Variants in SMG1 observed in about 807,000 individuals in gnomAD.
SMG1 encodes the protein SMG1 nonsense mediated mRNA decay associated PI3K related kinase.
SMG1 carries 22 observed loss-of-function variants against 419.9 expected under a neutral mutation model. The ratio of observed to expected loss-of-function variants is 0.05; its 90% CI spans 0.04 to 0.07. The LOEUF (loss-of-function observed/expected upper bound fraction) is 0.07. SMG1 is among the 10% of genes least tolerant of loss of function. SMG1 has a pLI of 1.00. For synonymous variants in SMG1, 1,538 were observed against 1,553.5 expected (o/e 0.99, Z 0.23); for missense variants, 3,185 against 4,342.0 (o/e 0.73, Z 7.49).
rs377390551 is a variant in SMG1, at chr16:18,830,270, G to A, written c.8892C>T (p.Phe2964=). Residue 2964 remains phenylalanine, a synonymous_variant, in exon 52 of 63, where the codon TTC becomes TTT. Transcript: ENST00000446231. ...TTTCAACTTGAGCAAACATGCCATC[G>A]AATGCTACCAAAAGCATCTGGCCAG... The part of the protein sequence containing the change: ...MSAGQMLLVA[F]DGMFAQVETA... 18 of 1,613,674 alleles carry A rather than the reference G, an allele frequency of 1.1e-5. No homozygotes were observed. The East Asian group carries it at 1.8e-4, about 16-fold the overall frequency.
At chr16:18,893,893 T>C (rs1396421611) in intron 3 of SMG1, among the ~76,000 whole-genome samples, 1 of 151,676 alleles carries the variant, frequency 6.6e-6, no homozygotes, top group Non-Finnish European at 1.5e-5. Context: ...TCGTCTCTAC[T>C]GAAGATACAA....
chr16:18,862,167 A>T (rs539538936), intron 25 of SMG1, among the ~76,000 whole-genome samples: 12 of 152,122 alleles, frequency 7.9e-5, no homozygotes, highest in African/African-American at 1.2e-4. Flanking sequence ...CTCTCTACAA[A>T]ACTCTTTTTC....
intron 1 of SMG1, among the ~76,000 whole-genome samples, chr16:18,920,610 G>A (rs2038160048): frequency 6.6e-6 from 1 of 151,914 alleles, no homozygotes; most frequent in Non-Finnish European, 1.5e-5. Context: ...CAAGGAGGAA[G>A]GATCACTTGA....
intron 1 of SMG1, among the ~76,000 whole-genome samples, chr16:18,906,352 G>A (rs181991511): frequency 6.6e-6 from 1 of 152,138 alleles, no homozygotes; most frequent in East Asian, 1.9e-4. Context: ...GTGTGGTGGT[G>A]CGCACCTGTA....
chr16:18,858,478 A>G lies in SMG1; in HGVS notation c.4114-188T>C, dbSNP rs532614652. ...ACTCACAAGAGGCAAGCACACAGTA[A>G]GAGAAAGCCTTTTGTTTTGAAGGGA... On this transcript the variant is annotated intron_variant, in intron 28 of 62. Transcript: ENST00000446231. 1.0e-4 allele frequency: 38 copies of G among 375,880 alleles called. No individual in the cohort carries two copies. In the Admixed American group the frequency reaches 1.4e-3, roughly 13 times the overall value. The allele number at this position is 375,880 out of a possible 1,614,324, so 23.3% of individuals were successfully genotyped here.
chr16:18,900,891 A>G (rs1156639725), intron 1 of SMG1, among the ~76,000 whole-genome samples: 1 of 152,208 alleles, frequency 6.6e-6, no homozygotes, highest in Non-Finnish European at 1.5e-5. Context: ...TCTTACCTGG[A>G]TTCAAACATG....
rs374166331 is a variant in SMG1, at chr16:18,812,133, G to C, written c.10622-6C>G. On this transcript the variant is annotated splice_region_variant and splice_polypyrimidine_tract_variant and intron_variant, in intron 60 of 62. Transcript: ENST00000446231. The stretch of plus-strand genomic sequence containing the variant: ...GCCAGTGTTACTCCGGACTGCTACA[G>C]AGAAAGAGTTGGTGGCTCAATTTAC... The C allele has an allele frequency of 6.2e-7, 1 of 1,608,286 alleles. No homozygotes were observed. Among genetic ancestry groups the C allele is most frequent in the East Asian group, 2.2e-5 (1 of 44,860 alleles).
intron 58 of SMG1, 184 bp downstream of exon 58, chr16:18,816,118 C>A: frequency 1.7e-6 from 1 of 596,536 alleles, no homozygotes; most frequent in Non-Finnish European, 2.9e-6. Context: ...GAAATTCAAA[C>A]TACTACTACT....
chr16:18,811,628 A>G, intron 62 of SMG1, 133 bp downstream of exon 62: 1 of 856,652 alleles, frequency 1.2e-6, no homozygotes, highest in Admixed American at 2.1e-5. Context: ...GTGTTACTCA[A>G]AATCTTCTGA....
chr16:18,866,568 C>G (rs946863561), intron 23 of SMG1, 53 bp downstream of exon 23: 14 of 1,544,616 alleles, frequency 9.1e-6, no homozygotes, highest in Non-Finnish European at 1.2e-5. Context: ...GAGTAATACA[C>G]AGAACTTAAA....
chr16:18,882,224 T>C lies in SMG1; in HGVS notation c.1234A>G (p.Ile412Val). The change falls in exon 10 of 63, where the codon ATT becomes GTT. Residue 412 changes from isoleucine to valine, a missense_variant. By Grantham distance (29) the Ile-to-Val change is conservative. Coordinates refer to ENST00000446231, the MANE Select transcript of SMG1 (RefSeq NM_015092.5). ...LRVFSTVVRS[I>V]GERFSPIRGP... ...CGAATTGGGCTGAAGCGTTCCCCAA[T>C]GCTCCTCACCACAGTACTAAATACC... 1 of 1,605,880 alleles carries C rather than the reference T, an allele frequency of 6.2e-7. No individual in the cohort carries two copies.
Position 18,854,891 on chromosome 16 carries a change from T to G in SMG1, c.4248A>C (p.Pro1416=), listed in dbSNP as rs771219714. Residue 1416 remains proline, a synonymous_variant, in exon 30 of 63, where the codon CCA becomes CCC. Transcript: ENST00000446231. ...LLEKIKEQTV[P]IRSHLMELGL... is the part of the protein sequence containing the mutation. ...CTAATTCCATGAGATGGCTTCTAAT[T>G]GGGACTGTTTGTTCTGAAGAGAGGA... The G allele has an allele frequency of 4.3e-6, 7 of 1,613,892 alleles. No individual in the cohort carries two copies. Among genetic ancestry groups the G allele is most frequent in the Middle Eastern group, 1.6e-4 (1 of 6,062 alleles).
At chr16:18,889,812 T>C (rs1405173905) in intron 5 of SMG1, among the ~76,000 whole-genome samples, 2 of 152,180 alleles carry the variant, frequency 1.3e-5, no homozygotes, top group Admixed American at 6.5e-5. Flanking sequence ...AAATCAATTA[T>C]TTACAAACAG....
Position 18,853,815 on chromosome 16 carries a change from G to A in SMG1, c.4536C>T (p.Cys1512=). 6.2e-7 allele frequency: 1 copy of A among 1,613,426 alleles called. No homozygotes were observed. The highest frequency in any genetic ancestry group is 1.1e-5 in the South Asian group (1 of 90,910). Residue 1512 remains cysteine (C), a synonymous_variant, in exon 31 of 63, where the codon TGC becomes TGT. Transcript: ENST00000446231. ...CTGCATATTCAGCTTTCACAGACTT[G>A]CAGAAAGATATGGCACAAGAACTCA... ...EMLSSCAISF[C]KSVKAEYAVA...
At chr16:18,902,279 G>A (rs527394046) in intron 1 of SMG1, among the ~76,000 whole-genome samples, 53 of 152,210 alleles carry the variant, frequency 3.5e-4, no homozygotes, top group Middle Eastern at 3.4e-3. Context: ...GAACTTCCCC[G>A]AACTCTGCCC....
chr16:18,828,323 C>A (rs565810765), intron 54 of SMG1, among the ~76,000 whole-genome samples, 155 bp from the exon 55 acceptor site: 3 of 152,246 alleles, frequency 2.0e-5, no homozygotes, highest in African/African-American at 4.8e-5. Context: ...AAAAGACACA[C>A]TGAAAAAAAT....
intron 1 of SMG1, among the ~76,000 whole-genome samples, chr16:18,917,146 A>T (rs138507290): frequency 0.015 from 2,295 of 151,524 alleles, 49 homozygotes; most frequent in African/African-American, 0.046. Context: ...TTAATTAATT[A>T]ATTTATTTAT....
intron 5 of SMG1, among the ~76,000 whole-genome samples, chr16:18,890,474 G>A (rs920140552): frequency 6.6e-5 from 10 of 152,118 alleles, no homozygotes; most frequent in African/African-American, 2.2e-4. Context: ...TGCAAGCTCC[G>A]CCTTGTCTCT....
rs966074463 is a variant in SMG1 at position 18,830,288 on chromosome 16, C to G, written c.8874G>C (p.Gln2958His). 3 of 1,613,958 alleles carry G rather than the reference C, an allele frequency of 1.9e-6. No homozygotes were observed. The highest frequency in any genetic ancestry group is 2.5e-6 in the Non-Finnish European group (3 of 1,179,878). ...VDETPKMSAG[Q>H]MLLVAFDGMF... is the part of the protein sequence containing the mutation. ...TGCCATCGAATGCTACCAAAAGCAT[C>G]TGGCCAGCTGACATTTTGGGTGTTT... Residue 2958 changes from glutamine (Q) to histidine (H), a missense_variant, in exon 52 of 63, where the codon CAG becomes CAC. Around this residue, in one of 27 missense-constraint regions of SMG1, gnomAD observed 737 missense variants for 846.6 expected, o/e 0.87. Coordinates refer to ENST00000446231, the MANE Select transcript of SMG1 (RefSeq NM_015092.5).
Sources: allele counts gnomAD v4.1 joint callset (sites outside exome capture counted in the v4.1 genomes callset), GRCh38; gene constraint gnomAD v4.1.1; regional missense constraint gnomAD v4.1.1; transcripts MANE v1.5; gene names NCBI Gene and HGNC (gene_info 2026-07-23, HGNC 2026-07-21).